Variants in OTUB1 observed in about 807,000 individuals in gnomAD.
The protein encoded by OTUB1 is OTU deubiquitinase, ubiquitin aldehyde binding 1, also known as ubiquitin thioesterase OTUB1.
In OTUB1, 10 loss-of-function variants were observed where a neutral mutation model predicts 35.8. The ratio of observed to expected loss-of-function variants is 0.28; its 90% CI spans 0.17 to 0.47. The LOEUF (loss-of-function observed/expected upper bound fraction) is 0.47, where lower values mean the gene tolerates loss of function less well. Ranked by LOEUF, OTUB1 falls within the 20% of genes least tolerant of loss-of-function variation. The pLI is 0.99. For synonymous variants in OTUB1, 158 were observed against 143.8 expected (o/e 1.10, Z -0.71); for missense variants, 264 against 351.6 (o/e 0.75, Z 1.99).
chr11:63,990,593 TAAAA>T lies in OTUB1; in HGVS notation c.219+1845_219+1848del, dbSNP rs368733666. On this transcript the variant is annotated intron_variant, in intron 3 of 6. Coordinates refer to ENST00000538426, the MANE Select transcript of OTUB1 (RefSeq NM_017670.3). ...CAGTGAGACCTGTCTCTTAAAAAAA[TAAAA>T]AAATAAATAAATAAATAAATAAATA... The T allele has an allele frequency of 9.2e-4, 132 of 144,146 alleles. 1 individual carries two copies. Among genetic ancestry groups the T allele is most frequent in the African/African-American group, 3.4e-3 (123 of 36,336 alleles). The allele number at this position is 144,146 out of a possible 1,614,324, so 8.9% of individuals were successfully genotyped here.
intron 3 of OTUB1, among the ~76,000 whole-genome samples, chr11:63,994,343 C>T (rs1942698684): frequency 6.6e-6 from 1 of 152,142 alleles, no homozygotes; most frequent in African/African-American, 2.4e-5. Flanking sequence ...ATCTCCACCT[C>T]CTGGGTTCAA....
At chr11:63,989,015 A>AT in intron 3 of OTUB1, 26 of 309,086 alleles carry the variant, frequency 8.4e-5, no homozygotes, top group Non-Finnish European at 9.5e-5. Flanking sequence ...ACTTCATCTC[A>AT]GAAAAAAAAA....
At chr11:63,996,453 T>G in intron 3 of OTUB1, 77 bp from the exon 4 acceptor site, 2 of 1,520,378 alleles carry the variant, frequency 1.3e-6, no homozygotes, top group East Asian at 2.3e-5. Context: ...GAGTGTGACC[T>G]TTGCTGGGGG....
intron 1 of OTUB1, among the ~76,000 whole-genome samples, chr11:63,987,349 G>C (rs185178640): frequency 7.2e-4 from 110 of 152,310 alleles, no homozygotes; most frequent in Non-Finnish European, 1.3e-3. Context: ...TGGGAAAACG[G>C]CCCCGGAAGG....
intron 3 of OTUB1, 65 bp from the exon 4 acceptor site, chr11:63,996,465 C>T: frequency 6.4e-7 from 1 of 1,551,546 alleles, no homozygotes; most frequent in Non-Finnish European, 8.8e-7. Context: ...TGCTGGGGGA[C>T]ATTTCCTTGG....
intron 3 of OTUB1, among the ~76,000 whole-genome samples, chr11:63,991,026 G>C (rs566143227): frequency 1.4e-4 from 21 of 152,314 alleles, no homozygotes; most frequent in Admixed American, 1.2e-3. Flanking sequence ...TGTGCACTGT[G>C]ATCTACTGAG....
At chr11:63,990,980 A>G (rs779418019) in intron 3 of OTUB1, among the ~76,000 whole-genome samples, 17 of 152,196 alleles carry the variant, frequency 1.1e-4, no homozygotes, top group Non-Finnish European at 2.2e-4. Context: ...GTGTGGGCCA[A>G]ACACACCTGC....
intron 3 of OTUB1, among the ~76,000 whole-genome samples, chr11:63,992,507 A>C (rs1942681946): frequency 1.3e-5 from 2 of 151,146 alleles, no homozygotes; most frequent in South Asian, 4.2e-4. Flanking sequence ...TCTGAGGGAG[A>C]TGGAGATAGG....
chr11:63,987,671 C>T (rs934487499), intron 1 of OTUB1, among the ~76,000 whole-genome samples: 5 of 152,230 alleles, frequency 3.3e-5, no homozygotes, highest in Admixed American at 6.5e-5. Flanking sequence ...CTTCACCTGT[C>T]TGCAGTTGTT....
rs145589751 is a variant in OTUB1, at chr11:63,988,749, C to A, written c.216C>A (p.Ile72=). Residue 72 remains isoleucine (I), a synonymous_variant, in exon 3 of 7, where the codon ATC becomes ATA. Transcript: ENST00000538426. ...ATGACAACATCTATCAACAGAAGAT[C>A]AAGGTGGGAGCCTGGCCAGAGCGGG... ...AEDDNIYQQK[I]KDLHKKYSYI... The A allele has an allele frequency of 1.2e-6, 2 of 1,607,360 alleles. No homozygotes were observed. The highest frequency in any genetic ancestry group is 2.7e-5 in the African/African-American group (2 of 74,790).
At chr11:63,988,457 T>C in intron 2 of OTUB1, 59 bp downstream of exon 2, 1 of 1,488,952 alleles carries the variant, frequency 6.7e-7, no homozygotes, top group Non-Finnish European at 9.2e-7. Flanking sequence ...TGGAAATGCA[T>C]AGGCTGGGCA....
Position 63,998,112 on chromosome 11 carries a change from T to C in OTUB1, c.*566T>C. ...CCCGGCTCAGGGCAGGTGGAGGAGCTGGGCCTCCCACAGGGTGCCCGGGCA... is the reference window on the plus strand; with the variant it reads ...CCCGGCTCAGGGCAGGTGGAGGAGCCGGGCCTCCCACAGGGTGCCCGGGCA... On this transcript the variant is annotated 3_prime_UTR_variant, in exon 7 of 7. Transcript: ENST00000538426. 2 of 333,628 alleles carry C rather than the reference T, an allele frequency of 6.0e-6. No homozygotes were observed. The highest frequency in any genetic ancestry group is 1.1e-5 in the Non-Finnish European group (2 of 177,632). 20.7% of individuals were successfully genotyped at this position (333,628 alleles called of 1,614,324 possible).
rs1178385971 is a variant in OTUB1, at chr11:63,997,166, G to A, written c.540G>A (p.Ser180=). The A allele has an allele frequency of 5.0e-6, 8 of 1,614,072 alleles. No homozygotes were observed. The highest frequency in any genetic ancestry group is 3.3e-5 in the South Asian group (3 of 91,084). The change falls in exon 6 of 7, where the codon TCG becomes TCA. Residue 180 remains serine (S), a synonymous_variant. Transcript: ENST00000538426. ...TGGTCTACCTGCGGCTGCTCACCTC[G>A]GGCTACCTGCAGCGCGAGAGCAAGT... ...YLVVYLRLLT[S]GYLQRESKFF... is the part of the protein sequence containing the mutation.
Position 63,996,558 on chromosome 11 carries a change from G to A in OTUB1, c.248G>A (p.Arg83His). 1.9e-6 allele frequency: 3 copies of A among 1,614,210 alleles called. No homozygotes were observed. Among genetic ancestry groups the A allele is most frequent in the Non-Finnish European group, 2.5e-6 (3 of 1,180,032 alleles). The stretch of plus-strand genomic sequence containing the variant: ...CTCCACAAAAAGTACTCGTACATCC[G>A]CAAGACCAGGCCTGACGGCAACTGT... ...KDLHKKYSYI[R>H]KTRPDGNCFY... is the part of the protein sequence containing the mutation. Residue 83 changes from arginine (R) to histidine (H), a missense_variant, in exon 4 of 7, where the codon CGC (arginine) becomes CAC (histidine). By Grantham distance (29) the Arg-to-His change is conservative. Around this residue, in one of 2 missense-constraint regions of OTUB1, gnomAD observed 214 missense variants for 317.1 expected, o/e 0.67. Transcript: ENST00000538426.
intron 3 of OTUB1, among the ~76,000 whole-genome samples, chr11:63,993,411 T>A (rs1300142472): frequency 2.6e-5 from 4 of 151,992 alleles, no homozygotes; most frequent in African/African-American, 9.7e-5. Flanking sequence ...CCTGTAATCC[T>A]AGCACTTTGG....
At chr11:63,988,465 G>A (rs1942640114) in intron 2 of OTUB1, 67 bp downstream of exon 2, 1 of 1,437,990 alleles carries the variant, frequency 7.0e-7, no homozygotes, top group Admixed American at 1.9e-5. Flanking sequence ...CATAGGCTGG[G>A]CATGAGGCCT....
chr11:63,986,617 G>T (rs1565183708), intron 1 of OTUB1, 103 bp downstream of exon 1: 2 of 953,838 alleles, frequency 2.1e-6, no homozygotes, highest in Non-Finnish European at 3.1e-6. Flanking sequence ...CTCTGGGGTC[G>T]AGGTGCGCGA....
chr11:63,998,058 C>T lies in OTUB1; in HGVS notation c.*512C>T, dbSNP rs1284701821. 3.1e-5 allele frequency: 14 copies of T among 455,352 alleles called. No individual in the cohort carries two copies. Among genetic ancestry groups the T allele is most frequent in the Non-Finnish European group, 5.6e-5 (14 of 251,132 alleles). The allele number at this position is 455,352 out of a possible 1,614,324, so 28.2% of individuals were successfully genotyped here. Reference sequence around the variant, plus strand: ...CCGGGAGTCTGCATGGTTGGGAGTCCTGGGTGGAGGGGCCTTTGTGAGGCT... The same window carrying T: ...CCGGGAGTCTGCATGGTTGGGAGTCTTGGGTGGAGGGGCCTTTGTGAGGCT... On this transcript the variant is annotated 3_prime_UTR_variant, in exon 7 of 7. Coordinates refer to ENST00000538426, the MANE Select transcript of OTUB1 (RefSeq NM_017670.3).
At chr11:63,991,250 T>C (rs917798966) in intron 3 of OTUB1, among the ~76,000 whole-genome samples, 2 of 152,134 alleles carry the variant, frequency 1.3e-5, no homozygotes, top group African/African-American at 4.8e-5. Flanking sequence ...AAGGAGATGT[T>C]ACGGGCGGTT....
Sources: gnomAD v4.1 joint callset for allele counts (sites outside exome capture counted in the v4.1 genomes callset) on GRCh38, gnomAD v4.1.1 for gene constraint, gnomAD v4.1.1 regional missense constraint, MANE v1.5 for transcripts, NCBI Gene and HGNC (gene_info 2026-07-23, HGNC 2026-07-21) for gene names.